The following MACROD2 variants were observed in gnomAD, a reference collection of about 807,000 sequenced individuals.
MACROD2 encodes mono-ADP ribosylhydrolase 2, also known as ADP-ribose glycohydrolase MACROD2.
Under a neutral mutation model 70.4 loss-of-function variants are expected in MACROD2, and 36 were observed. The ratio of observed to expected loss-of-function variants is 0.51; its 90% CI spans 0.39 to 0.68. The LOEUF (loss-of-function observed/expected upper bound fraction) is 0.68. Ranked by LOEUF, MACROD2 falls within the 30% of genes least tolerant of loss-of-function variation. The probability of loss-of-function intolerance (pLI) is 0.00; values close to 1 mark genes in which losing one functional copy is unlikely to be tolerated. For missense variants in MACROD2, 496 were observed against 538.4 expected (o/e 0.92, Z 0.78); for synonymous variants, 172 against 178.8 (o/e 0.96, Z 0.30).
intron 3 of MACROD2, among the ~76,000 whole-genome samples, chr20:14,291,128 T>A (rs998590191): frequency 3.3e-5 from 5 of 152,236 alleles, no homozygotes; most frequent in African/African-American, 4.8e-5. Context: ...ATAACTTTTT[T>A]ATCATTGATT....
intron 8 of MACROD2, among the ~76,000 whole-genome samples, chr20:15,773,546 C>T (rs928592134): frequency 2.6e-5 from 4 of 152,012 alleles, no homozygotes; most frequent in Non-Finnish European, 4.4e-5. Context: ...AGATCAATTC[C>T]CTGTTAACTC....
intron 2 of MACROD2, among the ~76,000 whole-genome samples, chr20:14,024,425 T>A (rs542361790): frequency 1.4e-3 from 217 of 152,334 alleles, no homozygotes; most frequent in Non-Finnish European, 2.2e-3. Flanking sequence ...TTCAATACTA[T>A]GTTGAATAGG....
At chr20:14,573,839 A>G (rs1600401589) in intron 4 of MACROD2, among the ~76,000 whole-genome samples, 1 of 152,164 alleles carries the variant, frequency 6.6e-6, no homozygotes, top group Admixed American at 6.5e-5. Context: ...GCTTTGCCTT[A>G]GTTCACTGGT....
At chr20:15,132,741 T>C (rs1056720957) in intron 5 of MACROD2, among the ~76,000 whole-genome samples, 5 of 151,986 alleles carry the variant, frequency 3.3e-5, no homozygotes, top group Non-Finnish European at 4.4e-5. Context: ...GCTATTACAA[T>C]TGACCTAGAA....
Position 15,494,872 on chromosome 20 carries a change from CACATTTACA to C in MACROD2, c.572-4898_572-4890del, listed in dbSNP as rs1410530669. Among the ~76,000 whole-genome samples the C allele has an allele frequency of 2.0e-5, 3 of 152,170 alleles. No homozygotes were observed. In the East Asian group the frequency reaches 5.8e-4, roughly 29 times the overall value. ...TTTATTTATCGTATAAGTCAACTTT[CACATTTACA>C]ACAAAAGTTAATTTTATGAATCTAT... On this transcript the variant is annotated intron_variant, in intron 7 of 17. Coordinates refer to ENST00000684519, the MANE Select transcript of MACROD2 (RefSeq NM_001351661.2).
intron 2 of MACROD2, among the ~76,000 whole-genome samples, chr20:14,049,770 CAACTA>C (rs1299702415): frequency 1.3e-5 from 2 of 149,166 alleles, no homozygotes; most frequent in African/African-American, 4.9e-5. Flanking sequence ...CAAAACAAAA[CAACTA>C]AACTAAACAA....
At chr20:14,108,423 A>C (rs2054400472) in intron 3 of MACROD2, among the ~76,000 whole-genome samples, 1 of 151,936 alleles carries the variant, frequency 6.6e-6, no homozygotes, top group African/African-American at 2.4e-5. Flanking sequence ...AATAACATTG[A>C]ATGTAAATGG....
intron 5 of MACROD2, among the ~76,000 whole-genome samples, chr20:14,796,167 G>T (rs2072507721): frequency 6.6e-6 from 1 of 152,080 alleles, no homozygotes; most frequent in South Asian, 2.1e-4. Flanking sequence ...TCAATTAGGG[G>T]ATAATATTTG....
chr20:15,269,692 T>C (rs2077328800), intron 6 of MACROD2, among the ~76,000 whole-genome samples: 1 of 152,162 alleles, frequency 6.6e-6, no homozygotes, highest in Non-Finnish European at 1.5e-5. Flanking sequence ...TGAGGACCTT[T>C]ATGTGACCTT....
chr20:14,902,699 C>G lies in MACROD2; in HGVS notation c.418+217740C>G, dbSNP rs149426851. Among the ~76,000 whole-genome samples, 756 of 152,138 alleles carry G rather than the reference C, an allele frequency of 5.0e-3. 2 individuals carry two copies. The highest frequency in any genetic ancestry group is 8.2e-3 in the Non-Finnish European group (555 of 68,022). ...ACTGAAAAAAATAGGGACCTTGCAG[C>G]TGTTGAGGCCATAGTAGTGACTCTA... On this transcript the variant is annotated intron_variant, in intron 5 of 17. Transcript: ENST00000684519.
At chr20:15,385,584 C>G (rs1031054196) in intron 6 of MACROD2, among the ~76,000 whole-genome samples, 1 of 152,140 alleles carries the variant, frequency 6.6e-6, no homozygotes, top group African/African-American at 2.4e-5. Flanking sequence ...TACCCTGAGA[C>G]CTGTCTCAGT....
chr20:14,429,944 G>C (rs1020291624), intron 3 of MACROD2, among the ~76,000 whole-genome samples: 2 of 152,112 alleles, frequency 1.3e-5, no homozygotes, highest in African/African-American at 4.8e-5. Flanking sequence ...AGCCATTATT[G>C]CATTTTCTTT....
rs116573135 is a variant in MACROD2 at position 14,097,843 on chromosome 20, A to T, written c.271+12115A>T. ...ATACACATAGCCTGAAGGTATTTTT[A>T]TACAATATTTTAGAATACTTTTGTG... On this transcript the variant is annotated intron_variant, in intron 3 of 17. Transcript: ENST00000684519. 7.3e-3 allele frequency among the ~76,000 whole-genome samples: 1,106 copies of T among 152,276 alleles called. 12 individuals carry two copies. The highest frequency in any genetic ancestry group is 0.025 in the African/African-American group (1,049 of 41,552).
intron 3 of MACROD2, among the ~76,000 whole-genome samples, chr20:14,431,675 G>T (rs1031543811): frequency 2.0e-5 from 3 of 152,088 alleles, no homozygotes; most frequent in East Asian, 1.9e-4. Context: ...AAATGGAAAG[G>T]CATCGAATAA....
At chr20:14,275,534 G>A (rs2082244509) in intron 3 of MACROD2, among the ~76,000 whole-genome samples, 1 of 151,548 alleles carries the variant, frequency 6.6e-6, no homozygotes, top group African/African-American at 2.4e-5. Flanking sequence ...AACCCTAGAA[G>A]AAAACCTAGG....
In MACROD2 at chr20:15,449,086, C is replaced by T. The variant is rs1021593744; in HGVS notation, c.571+17651C>T. 2.3e-4 allele frequency among the ~76,000 whole-genome samples: 35 copies of T among 152,128 alleles called. 1 individual carries two copies. Among genetic ancestry groups the T allele is most frequent in the Non-Finnish European group, 1.0e-4 (7 of 68,008 alleles). ...TTTTTTATTCCCATCCCCAAAATGG[C>T]AGCTCATTAGTGTCTAGTCACCAGA... On this transcript the variant is annotated intron_variant, in intron 7 of 17. Transcript: ENST00000684519.
intron 5 of MACROD2, among the ~76,000 whole-genome samples, chr20:15,024,965 A>C (rs1312547891): frequency 6.6e-6 from 1 of 152,188 alleles, no homozygotes; most frequent in Non-Finnish European, 1.5e-5. Context: ...ACAGGTTTAA[A>C]TCACGATTCT....
intron 5 of MACROD2, among the ~76,000 whole-genome samples, chr20:14,734,845 G>A (rs914874076): frequency 6.6e-6 from 1 of 152,050 alleles, no homozygotes; most frequent in Admixed American, 6.5e-5. Flanking sequence ...GCATCTATGG[G>A]CCACTGATTT....
At chr20:15,716,848 A>G (rs1226524709) in intron 8 of MACROD2, among the ~76,000 whole-genome samples, 2 of 152,190 alleles carry the variant, frequency 1.3e-5, no homozygotes, top group Non-Finnish European at 2.9e-5. Context: ...AATGAAAGAT[A>G]CTGAAAGGTG....
Sources: allele counts gnomAD v4.1 joint callset (sites outside exome capture counted in the v4.1 genomes callset), GRCh38; gene constraint gnomAD v4.1.1; transcripts MANE v1.5; gene names NCBI Gene and HGNC (gene_info 2026-07-23, HGNC 2026-07-21).